The following COLEC12 variants were observed in gnomAD, a reference collection of about 807,000 sequenced individuals.
COLEC12 encodes the protein collectin-12.
Under a neutral mutation model 71.1 loss-of-function variants are expected in COLEC12, and 33 were observed. That is an observed-to-expected ratio of 0.46 (90% CI 0.35 to 0.62). The LOEUF is 0.62. COLEC12 is among the 20% of genes least tolerant of loss of function. The pLI, the probability that COLEC12 is intolerant of heterozygous loss-of-function variation, is 0.00. For missense variants in COLEC12, 765 were observed against 916.1 expected, an observed-to-expected ratio of 0.84 and a Z score of 2.13; for synonymous variants, 350 against 353.0, an observed-to-expected ratio of 0.99 and a Z score of 0.10.
In COLEC12 at chr18:319,321, T is replaced by TAAA. The variant is rs56853175; in HGVS notation, c.*721_*723dup. Reference sequence around the variant, plus strand: ...TGGTTCCTCTGAGGAAATGAAACATTAAAAAAAAAAAAAAAAAAAAATATA... The same window carrying TAAA: ...TGGTTCCTCTGAGGAAATGAAACATTAAAAAAAAAAAAAAAAAAAAAAAATATA... On this transcript the variant is annotated 3_prime_UTR_variant, in exon 10 of 10. Coordinates refer to ENST00000400256, the MANE Select transcript of COLEC12 (RefSeq NM_130386.3). The TAAA allele has an allele frequency of 3.6e-5, 3 of 84,092 alleles. No homozygotes were observed. The highest frequency in any genetic ancestry group is 1.4e-4 in the African/African-American group (3 of 21,800). The allele number at this position is 84,092 out of a possible 1,614,324, so 5.2% of individuals were successfully genotyped here.
intron 2 of COLEC12, among the ~76,000 whole-genome samples, chr18:414,780 A>G (rs564333714): frequency 3.9e-5 from 6 of 152,286 alleles, no homozygotes; most frequent in Middle Eastern, 3.4e-3. Context: ...CTAACCCCCA[A>G]ACAGGCTTGT....
At chr18:420,288 A>G (rs1916071724) in intron 2 of COLEC12, among the ~76,000 whole-genome samples, 1 of 152,234 alleles carries the variant, frequency 6.6e-6, no homozygotes, top group Non-Finnish European at 1.5e-5. Flanking sequence ...TAACACGTGT[A>G]TCACTAAAAT....
chr18:396,055 C>T (rs1157210899), intron 2 of COLEC12, among the ~76,000 whole-genome samples: 1 of 152,180 alleles, frequency 6.6e-6, no homozygotes. Context: ...GGTTTGATTA[C>T]TTTGCTATCA....
intron 2 of COLEC12, among the ~76,000 whole-genome samples, chr18:420,804 A>C (rs1916083653): frequency 6.6e-6 from 1 of 152,138 alleles, no homozygotes; most frequent in Non-Finnish European, 1.5e-5. Flanking sequence ...CTCCAGGGCT[A>C]GGTAATTCTC....
intron 8 of COLEC12, 108 bp downstream of exon 8, chr18:331,560 C>T (rs146670973): frequency 6.4e-6 from 4 of 626,430 alleles, no homozygotes; most frequent in African/African-American, 1.8e-5. Flanking sequence ...TTGGGAGGAG[C>T]GTCTAGGACA....
chr18:340,993 G>A (rs1302310889), intron 5 of COLEC12, among the ~76,000 whole-genome samples: 1 of 152,176 alleles, frequency 6.6e-6, no homozygotes, highest in Non-Finnish European at 1.5e-5. Flanking sequence ...CAGTCATGCC[G>A]TCTTGTTTGG....
At chr18:333,336 C>A (rs149346230) in intron 6 of COLEC12, 193 bp from the exon 7 acceptor site, 2 of 502,306 alleles carry the variant, frequency 4.0e-6, no homozygotes, top group East Asian at 6.5e-5. Flanking sequence ...AGAGCACAAG[C>A]CAAAACCACA....
intron 8 of COLEC12, among the ~76,000 whole-genome samples, chr18:323,916 A>T (rs1226113599): frequency 6.6e-6 from 1 of 152,232 alleles, no homozygotes; most frequent in Non-Finnish European, 1.5e-5. Flanking sequence ...GCAGAGAAAT[A>T]ACTGAGTGAT....
chr18:441,233 G>A (rs1049354301), intron 2 of COLEC12, among the ~76,000 whole-genome samples: 1 of 151,680 alleles, frequency 6.6e-6, no homozygotes, highest in African/African-American at 2.4e-5. Context: ...GGGCGACAGA[G>A]CGAGACTCTG....
chr18:320,024 A>C lies in COLEC12; in HGVS notation c.*21T>G. On this transcript the variant is annotated 3_prime_UTR_variant, in exon 10 of 10. Coordinates refer to ENST00000400256, the MANE Select transcript of COLEC12 (RefSeq NM_130386.3). ...GCCTTTGAGAGCTGAAAATTTGCTC[A>C]TGTGATCCCATCACAGTCCGTTATA... 2 of 1,498,354 alleles carry C rather than the reference A, an allele frequency of 1.3e-6. No individual in the cohort carries two copies. The highest frequency in any genetic ancestry group is 9.2e-7 in the Non-Finnish European group (1 of 1,088,460). 92.8% of individuals were successfully genotyped at this position (1,498,354 alleles called of 1,614,324 possible). A position where few individuals can be genotyped will look rare whatever the true frequency, so the allele number is the denominator to read the frequency against.
chr18:343,215 T>C (rs1453944636), intron 5 of COLEC12, among the ~76,000 whole-genome samples: 4 of 152,144 alleles, frequency 2.6e-5, no homozygotes, highest in Non-Finnish European at 5.9e-5. Flanking sequence ...GGGTAGGGAA[T>C]TCCAGGGTCC....
chr18:490,778 CA>C (rs1404902350), intron 1 of COLEC12, among the ~76,000 whole-genome samples: 2 of 152,198 alleles, frequency 1.3e-5, no homozygotes, highest in Non-Finnish European at 2.9e-5. Context: ...ATACTTGACA[CA>C]AAGCAGGTTT....
chr18:370,032 A>G (rs1234966551), intron 2 of COLEC12, among the ~76,000 whole-genome samples: 2 of 152,214 alleles, frequency 1.3e-5, no homozygotes, highest in Non-Finnish European at 2.9e-5. Flanking sequence ...AAAAAATACA[A>G]GAGTTCAGAG....
intron 5 of COLEC12, among the ~76,000 whole-genome samples, chr18:345,135 T>G (rs1370658773): frequency 6.6e-6 from 1 of 152,234 alleles, no homozygotes; most frequent in African/African-American, 2.4e-5. Context: ...GAAATTCTCT[T>G]TATGTTAAAC....
At chr18:387,361 G>A (rs1333867668) in intron 2 of COLEC12, among the ~76,000 whole-genome samples, 1 of 152,084 alleles carries the variant, frequency 6.6e-6, no homozygotes, top group Non-Finnish European at 1.5e-5. Flanking sequence ...ATTAGCAGAC[G>A]ACAGCACCCT....
At chr18:483,313 C>T (rs987859683) in intron 1 of COLEC12, among the ~76,000 whole-genome samples, 1 of 150,742 alleles carries the variant, frequency 6.6e-6, no homozygotes, top group African/African-American at 2.4e-5. Flanking sequence ...GGCAGAATCA[C>T]TTGAATCCAG....
At chr18:381,419 A>G (rs533383023) in intron 2 of COLEC12, among the ~76,000 whole-genome samples, 9 of 152,328 alleles carry the variant, frequency 5.9e-5, no homozygotes, top group South Asian at 2.1e-4. Context: ...CACTGCATAC[A>G]TGTATCAAAA....
At chr18:467,900 T>C (rs1457165956) in intron 2 of COLEC12, among the ~76,000 whole-genome samples, 1 of 151,036 alleles carries the variant, frequency 6.6e-6, no homozygotes, top group Admixed American at 6.6e-5. Flanking sequence ...CCTGGGAAGA[T>C]AGATCCATAA....
In COLEC12 at chr18:399,265, T is replaced by C. The variant is rs1915631364; in HGVS notation, c.59-41743A>G. Among the ~76,000 whole-genome samples, 1 of 152,250 alleles carries C rather than the reference T, an allele frequency of 6.6e-6. No homozygotes were observed. The highest frequency in any genetic ancestry group is 1.5e-5 in the Non-Finnish European group (1 of 68,040). ...TAAGCGTAAGATGCTATTGATGGAA[T>C]GAACTTCAGACTACTGGAATGGGCA... is the stretch of plus-strand genomic sequence containing the variant. On this transcript the variant is annotated intron_variant, in intron 2 of 9. Coordinates refer to ENST00000400256, the MANE Select transcript of COLEC12 (RefSeq NM_130386.3). This position sits in a 1 kb window ranked among gnomAD's most constrained non-coding sequence, Gnocchi z 4.0.
Sources: gnomAD v4.1 joint callset for allele counts (sites outside exome capture counted in the v4.1 genomes callset) on GRCh38, gnomAD v4.1.1 for gene constraint, Gnocchi (gnomAD v3.1) non-coding constraint, MANE v1.5 for transcripts, NCBI Gene and HGNC (gene_info 2026-07-23, HGNC 2026-07-21) for gene names.